The following XKR3 variants were observed in gnomAD, a reference collection of about 807,000 sequenced individuals.
XKR3 encodes the protein XK-related protein 3.
XKR3 carries 27 observed loss-of-function variants against 40.3 expected under a neutral mutation model. The ratio of observed to expected loss-of-function variants is 0.67; its 90% confidence interval spans 0.49 to 0.92. The LOEUF is 0.92. Among genes scored for constraint, XKR3 ranks in the 40% least tolerant of loss-of-function variants. XKR3 has a pLI of 0.00. For synonymous variants in XKR3, 193 were observed against 195.4 expected, an observed-to-expected ratio of 0.99 and a Z score of 0.10; for missense variants, 472 against 537.6, an observed-to-expected ratio of 0.88 and a Z score of 1.21.
rs760695070 is a variant in XKR3, at chr22:16,784,307, G to A, written c.692C>T (p.Pro231Leu). 196 of 1,614,030 alleles carry A rather than the reference G, an allele frequency of 1.2e-4. No individual in the cohort carries two copies. The highest frequency in any genetic ancestry group is 1.6e-4 in the Non-Finnish European group (183 of 1,180,026). Residue 231 changes from proline to leucine, a missense_variant, in exon 4 of 4, where the codon CCG (proline) becomes CTG (leucine). Physicochemically the swap from Pro to Leu is moderately conservative, Grantham distance 98 (BLOSUM62 -3). Coordinates refer to ENST00000684488, the MANE Select transcript of XKR3 (RefSeq NM_001386955.1). ...ISNDDTTIKL[P>L]PIEFFCVVMW... ...CACGACACAGAAGAATTCTATCGGC[G>A]GTAGCTTAATGGTAGTATCATCATT...
intron 2 of XKR3, among the ~76,000 whole-genome samples, chr22:16,803,684 C>A (rs192471692): frequency 1.3e-5 from 2 of 152,280 alleles, no homozygotes; most frequent in Admixed American, 6.5e-5. Flanking sequence ...GACCTCTGGT[C>A]GTCCTCACTG....
chr22:16,806,913 TTAAA>T (rs1435430492), intron 2 of XKR3, among the ~76,000 whole-genome samples: 1 of 152,182 alleles, frequency 6.6e-6, no homozygotes, highest in Non-Finnish European at 1.5e-5. Flanking sequence ...TACATCAATC[TTAAA>T]TAAATATTAA....
chr22:16,824,578 A>G (rs1341508790), intron 1 of XKR3, among the ~76,000 whole-genome samples: 1 of 152,118 alleles, frequency 6.6e-6, no homozygotes, highest in Non-Finnish European at 1.5e-5. Flanking sequence ...CGAGGGGTAT[A>G]AAGGAAAGCA....
Position 16,811,119 on chromosome 22 carries a change from C to CT in XKR3, c.-10-3037dup, listed in dbSNP as rs5844282. ...TCTTTTTTTTCTTTTTCACTTTCTT[C>CT]TTTTTTTTTTTTTTTTTAATAGGAA... On this transcript the variant is annotated intron_variant, in intron 1 of 3. Coordinates refer to ENST00000684488, the MANE Select transcript of XKR3 (RefSeq NM_001386955.1). Among the ~76,000 whole-genome samples the CT allele has an allele frequency of 3.4e-3, 454 of 134,906 alleles. 2 individuals carry two copies. The highest frequency in any genetic ancestry group is 0.011 in the South Asian group (45 of 4,126). The allele number at this position is 134,906 out of a possible 152,430, so 88.5% of individuals were successfully genotyped here.
intron 2 of XKR3, among the ~76,000 whole-genome samples, chr22:16,805,162 C>G (rs564191411): frequency 6.6e-6 from 1 of 152,166 alleles, no homozygotes; most frequent in East Asian, 1.9e-4. Context: ...TTCAAGATGA[C>G]ATAATTTGTA....
At chr22:16,803,770 A>T (rs988937415) in intron 2 of XKR3, among the ~76,000 whole-genome samples, 54 of 152,316 alleles carry the variant, frequency 3.5e-4, no homozygotes, top group African/African-American at 1.1e-3. Context: ...AGGGCTAAAA[A>T]GGGGAGGCAT....
intron 2 of XKR3, among the ~76,000 whole-genome samples, chr22:16,801,045 A>C (rs1404167668): frequency 6.6e-6 from 1 of 152,190 alleles, no homozygotes; most frequent in Admixed American, 6.5e-5. Context: ...AGAAAGGAGC[A>C]TCTAATATAT....
intron 1 of XKR3, among the ~76,000 whole-genome samples, chr22:16,808,847 G>T (rs980760191): frequency 3.3e-5 from 5 of 151,988 alleles, no homozygotes; most frequent in East Asian, 1.9e-4. Context: ...AAAATAAAAG[G>T]CAACAGTACT....
chr22:16,798,760 A>G (rs1445296404), intron 3 of XKR3, among the ~76,000 whole-genome samples: 1 of 152,248 alleles, frequency 6.6e-6, no homozygotes, highest in East Asian at 1.9e-4. Flanking sequence ...GCAGGAATAG[A>G]AAACCAAATA....
rs143106236 is a variant in XKR3 at position 16,805,503 on chromosome 22, C to T, written c.335+2236G>A. Among the ~76,000 whole-genome samples, 1,514 of 152,268 alleles carry T rather than the reference C, an allele frequency of 9.9e-3. 10 individuals are homozygous for T. The highest frequency in any genetic ancestry group is 0.015 in the Non-Finnish European group (996 of 68,016). On this transcript the variant is annotated intron_variant, in intron 2 of 3. Coordinates refer to ENST00000684488, the MANE Select transcript of XKR3 (RefSeq NM_001386955.1). ...TATTAAGATGACAATACTCCCCAAACTTATCTACAGATTCAATTCATTCCA... is the reference window on the plus strand; with the variant it reads ...TATTAAGATGACAATACTCCCCAAATTTATCTACAGATTCAATTCATTCCA...
At chr22:16,809,847 C>A (rs1383778850) in intron 1 of XKR3, among the ~76,000 whole-genome samples, 2 of 152,166 alleles carry the variant, frequency 1.3e-5, no homozygotes, top group Non-Finnish European at 2.9e-5. Context: ...CAGCCTCAAC[C>A]TCCCAAGCTC....
chr22:16,823,266 G>A (rs1208931013), intron 1 of XKR3, among the ~76,000 whole-genome samples: 2 of 152,116 alleles, frequency 1.3e-5, no homozygotes, highest in Admixed American at 6.6e-5. Flanking sequence ...AATCTTCCTG[G>A]GGAGATAGCA....
chr22:16,805,274 T>C (rs1343653264), intron 2 of XKR3, among the ~76,000 whole-genome samples: 1 of 152,214 alleles, frequency 6.6e-6, no homozygotes, highest in African/African-American at 2.4e-5. Context: ...ATGATTTGTA[T>C]TTCTACATAC....
chr22:16,819,742 T>G (rs1406764926), intron 1 of XKR3, among the ~76,000 whole-genome samples: 9 of 152,082 alleles, frequency 5.9e-5, no homozygotes, highest in Non-Finnish European at 1.2e-4. Context: ...ATACAAGCCA[T>G]GAAAAAAATC....
At chr22:16,820,073 T>C (rs747788345) in intron 1 of XKR3, among the ~76,000 whole-genome samples, 5 of 152,136 alleles carry the variant, frequency 3.3e-5, no homozygotes, top group Non-Finnish European at 7.4e-5. Flanking sequence ...AAGCCACTCA[T>C]GCGTTGTTTG....
At chr22:16,810,617 T>C (rs1209610787) in intron 1 of XKR3, among the ~76,000 whole-genome samples, 1 of 152,178 alleles carries the variant, frequency 6.6e-6, no homozygotes, top group African/African-American at 2.4e-5. Context: ...ACACATTTAG[T>C]GATTTTTAGG....
At chr22:16,794,314 G>A (rs1478054996) in intron 3 of XKR3, among the ~76,000 whole-genome samples, 9 of 151,824 alleles carry the variant, frequency 5.9e-5, no homozygotes, top group Admixed American at 1.3e-4. Context: ...AAACAAACAC[G>A]AAAATATAAA....
chr22:16,800,156 A>G, intron 2 of XKR3, 132 bp from the exon 3 acceptor site: 1 of 1,008,420 alleles, frequency 9.9e-7, no homozygotes, highest in Non-Finnish European at 1.4e-6. Context: ...TAACTTAATC[A>G]CACTGGATAA....
intron 1 of XKR3, among the ~76,000 whole-genome samples, chr22:16,820,110 C>G (rs1420038262): frequency 6.6e-6 from 1 of 152,062 alleles, no homozygotes; most frequent in Non-Finnish European, 1.5e-5. Flanking sequence ...TAGGGTCAGT[C>G]CAAAACTGTT....
Sources: allele counts gnomAD v4.1 joint callset (sites outside exome capture counted in the v4.1 genomes callset), GRCh38; gene constraint gnomAD v4.1.1; transcripts MANE v1.5; gene names NCBI Gene and HGNC (gene_info 2026-07-23, HGNC 2026-07-21).